Variants in CPXM2 observed in about 807,000 individuals in gnomAD.
The protein encoded by CPXM2 is inactive carboxypeptidase-like protein X2.
A neutral mutation model predicts 86.1 loss-of-function variants in CPXM2; 66 were observed. The observed-to-expected ratio is 0.77, with a 90% confidence interval of 0.63 to 0.94. The LOEUF (loss-of-function observed/expected upper bound fraction) is 0.94. Ranked by LOEUF, CPXM2 falls within the 40% of genes least tolerant of loss-of-function variation. The pLI is 0.00. For synonymous variants in CPXM2, 388 were observed against 400.2 expected (o/e 0.97, Z 0.36); for missense variants, 948 against 1,026.3 (o/e 0.92, Z 1.04).
chr10:123,915,961 A>C (rs948139842), intron 2 of CPXM2, among the ~76,000 whole-genome samples: 2 of 152,118 alleles, frequency 1.3e-5, no homozygotes, highest in Non-Finnish European at 2.9e-5. Flanking sequence ...AGCACCTAGC[A>C]CCTGGCCATG....
intron 6 of CPXM2, among the ~76,000 whole-genome samples, chr10:123,788,040 G>A (rs1847108516): frequency 6.6e-6 from 1 of 151,948 alleles, no homozygotes; most frequent in Non-Finnish European, 1.5e-5. Context: ...AGCACTCTGG[G>A]AGGCTGAGGC....
At chr10:123,749,393 T>C (rs1846027911) in intron 13 of CPXM2, among the ~76,000 whole-genome samples, 1 of 152,134 alleles carries the variant, frequency 6.6e-6, no homozygotes, top group South Asian at 2.1e-4. Flanking sequence ...ATATTTCTAA[T>C]AAGAAGCCTT....
Position 123,799,175 on chromosome 10 carries a change from C to T in CPXM2, c.678G>A (p.Lys226=). ...LWLSDWVTSY[K]VMVSNDSHTW... ...TGTGGCTGTCATTGCTCACCATGAC[C>T]TTATAGGATGTCACCCAGTCACTCC... Residue 226 remains lysine (K), a synonymous_variant, in exon 5 of 14, where the codon AAG becomes AAA. Coordinates refer to ENST00000241305, the MANE Select transcript of CPXM2 (RefSeq NM_198148.3). The T allele has an allele frequency of 4.3e-6, 7 of 1,614,098 alleles. No individual in the cohort carries two copies. Among genetic ancestry groups the T allele is most frequent in the Non-Finnish European group, 5.1e-6 (6 of 1,180,014 alleles).
chr10:123,880,060 C>G, intron 2 of CPXM2, 151 bp downstream of exon 2: 1 of 573,014 alleles, frequency 1.7e-6, no homozygotes. Flanking sequence ...GTTCTCGCCC[C>G]CGCACCATGG....
At chr10:123,836,588 T>C (rs182424067) in intron 4 of CPXM2, among the ~76,000 whole-genome samples, 29 of 152,292 alleles carry the variant, frequency 1.9e-4, no homozygotes, top group Admixed American at 1.9e-3. Flanking sequence ...TCTCTGCAAC[T>C]GGAGAAAGAT....
chr10:123,920,140 T>C (rs1487210891), intron 2 of CPXM2, among the ~76,000 whole-genome samples: 1 of 152,000 alleles, frequency 6.6e-6, no homozygotes, highest in Non-Finnish European at 1.5e-5. Context: ...TCAATAGAAA[T>C]TACCCAGTGA....
chr10:123,785,634 C>CTTT (rs34924886), intron 6 of CPXM2, among the ~76,000 whole-genome samples: 2 of 136,758 alleles, frequency 1.5e-5, no homozygotes, highest in Non-Finnish European at 1.6e-5. Context: ...ACTTTAGCTT[C>CTTT]TTTTTTTTTT....
intron 2 of CPXM2, among the ~76,000 whole-genome samples, chr10:123,910,347 C>G (rs956328705): frequency 3.3e-5 from 5 of 152,240 alleles, no homozygotes; most frequent in South Asian, 4.1e-4. Context: ...TTTGTCAAAT[C>G]AATGGCCAAG....
At chr10:123,851,498 G>A (rs773458173) in intron 3 of CPXM2, among the ~76,000 whole-genome samples, 46 of 152,240 alleles carry the variant, frequency 3.0e-4, no homozygotes, top group Non-Finnish European at 4.1e-4. Flanking sequence ...GACCAGGCAC[G>A]GTGGCTCATG....
chr10:123,858,491 G>T (rs1848790289), intron 3 of CPXM2, among the ~76,000 whole-genome samples: 1 of 152,220 alleles, frequency 6.6e-6, no homozygotes, highest in African/African-American at 2.4e-5. Flanking sequence ...GTTGACTTGG[G>T]AGGCAATTTT....
intron 1 of CPXM2, among the ~76,000 whole-genome samples, chr10:123,886,265 A>G (rs1996431): frequency 7.0e-6 from 1 of 142,878 alleles, no homozygotes; most frequent in South Asian, 2.2e-4. Flanking sequence ...AAATATTTAC[A>G]AACACAGCTT....
chr10:123,748,387 G>C (rs1202132463), intron 13 of CPXM2, among the ~76,000 whole-genome samples: 1 of 152,162 alleles, frequency 6.6e-6, no homozygotes, highest in Non-Finnish European at 1.5e-5. Flanking sequence ...CTATGTGTGT[G>C]TTTGTAAATA....
chr10:123,746,356 A>C lies in CPXM2; in HGVS notation c.*408T>G. 1 of 202,084 alleles carries C rather than the reference A, an allele frequency of 4.9e-6. No individual in the cohort carries two copies. Among genetic ancestry groups the C allele is most frequent in the Non-Finnish European group, 1.0e-5 (1 of 100,090 alleles). 12.5% of individuals were successfully genotyped at this position (202,084 alleles called of 1,614,324 possible). ...ACATTTGGGACAGCCCAGCTGGGGA[A>C]ATGCTGCAATTTTAGCTGTGCAAAT... On this transcript the variant is annotated 3_prime_UTR_variant, in exon 14 of 14. Transcript: ENST00000241305.
intron 3 of CPXM2, among the ~76,000 whole-genome samples, chr10:123,861,571 G>C (rs554324611): frequency 6.6e-6 from 1 of 152,316 alleles, no homozygotes; most frequent in Non-Finnish European, 1.5e-5. Context: ...AGGCTATCCA[G>C]GTGGGCCCGG....
intron 2 of CPXM2, among the ~76,000 whole-genome samples, chr10:123,910,264 G>GT (rs974471986): frequency 2.4e-4 from 36 of 152,154 alleles, no homozygotes; most frequent in South Asian, 6.2e-4. Context: ...ACCTGGCCAG[G>GT]TTTTTTTTAC....
intron 4 of CPXM2, among the ~76,000 whole-genome samples, chr10:123,805,411 C>T (rs1176414555): frequency 1.3e-5 from 2 of 151,988 alleles, no homozygotes; most frequent in Non-Finnish European, 2.9e-5. Context: ...TATTCTTTGC[C>T]ATTTAGTTCA....
chr10:123,750,740 G>A, intron 13 of CPXM2: 1 of 985,414 alleles, frequency 1.0e-6, no homozygotes, highest in East Asian at 1.1e-4. Flanking sequence ...AGGACTGTGT[G>A]TGGGTTCACA....
At chr10:123,757,467 A>C in intron 11 of CPXM2, 115 bp from the exon 12 acceptor site, 1 of 878,756 alleles carries the variant, frequency 1.1e-6, no homozygotes, top group Non-Finnish European at 1.8e-6. Context: ...TTGTTTAAAC[A>C]GGGAGATATG....
intron 7 of CPXM2, among the ~76,000 whole-genome samples, 184 bp downstream of exon 7, chr10:123,779,983 C>T (rs1846894823): frequency 1.3e-5 from 2 of 152,180 alleles, no homozygotes; most frequent in African/African-American, 4.8e-5. Flanking sequence ...AGGAAGCCTT[C>T]CTCTGGTCAC....
Sources: gnomAD v4.1 joint callset for allele counts (sites outside exome capture counted in the v4.1 genomes callset) on GRCh38, gnomAD v4.1.1 for gene constraint, MANE v1.5 for transcripts, NCBI Gene and HGNC (gene_info 2026-07-23, HGNC 2026-07-21) for gene names.